PRDX1: variants seen among roughly 807,000 people sequenced by gnomAD.
The protein encoded by PRDX1 is peroxiredoxin 1, also known as peroxiredoxin-1.
PRDX1 carries 19 observed loss-of-function variants against 20.7 expected under a neutral mutation model. The ratio of observed to expected loss-of-function variants is 0.92; its 90% confidence interval spans 0.64 to 1.35. PRDX1 has a LOEUF of 1.35. Among genes scored for constraint, PRDX1 ranks in the 40% most tolerant of loss-of-function variants. The pLI is 0.00. For missense variants in PRDX1, 226 were observed against 240.0 expected, an observed-to-expected ratio of 0.94 and a Z score of 0.38; for synonymous variants, 89 against 83.9, an observed-to-expected ratio of 1.06 and a Z score of -0.33.
Position 45,515,699 on chromosome 1 carries a change from T to C in PRDX1, c.215A>G (p.Gln72Arg), listed in dbSNP as rs770050803. The change falls in exon 3 of 6, where the codon CAA (glutamine) becomes CGA (arginine). Residue 72 changes from glutamine to arginine, a missense_variant. Gln to Arg is a conservative substitution (Grantham distance 43). Coordinates refer to ENST00000319248, the MANE Select transcript of PRDX1 (RefSeq NM_181697.3). ...AGAATCCACAGAAGCACCAATCACT[T>C]GGCAGTTGAGTTTCTTAAATTCTTC... The part of the protein sequence containing the change: ...RAEEFKKLNC[Q>R]VIGASVDSHF... The C allele has an allele frequency of 6.2e-7, 1 of 1,607,450 alleles. No individual in the cohort carries two copies. Among genetic ancestry groups the C allele is most frequent in the Admixed American group, 1.7e-5 (1 of 58,606 alleles).
chr1:45,519,176 T>C (rs1049932893), intron 1 of PRDX1, 122 bp from the exon 2 acceptor site: 22 of 624,518 alleles, frequency 3.5e-5, no homozygotes, highest in Non-Finnish European at 5.3e-5. Context: ...CCTGAATACA[T>C]TAAATGTTGT....
In PRDX1 at chr1:45,514,967, G is replaced by T; in HGVS notation, c.289C>A (p.Leu97Met). 1 of 1,614,220 alleles carries T rather than the reference G, an allele frequency of 6.2e-7. No homozygotes were observed. Among genetic ancestry groups the T allele is most frequent in the Non-Finnish European group, 8.5e-7 (1 of 1,180,024 alleles). The change falls in exon 4 of 6, where the codon CTG becomes ATG. Residue 97 changes from leucine (L) to methionine (M), a missense_variant. By Grantham distance (15) the Leu-to-Met change is conservative. Transcript: ENST00000319248. ...WVNTPKKQGG[L>M]GPMNIPLVSD... ...ACCAAAGGAATGTTCATGGGTCCCA[G>T]TCCTCCTTGTTTCTTAGGTGTATTG...
In PRDX1 at chr1:45,519,612, T is replaced by G. The variant is rs937115939; in HGVS notation, c.-11-558A>C. Among the ~76,000 whole-genome samples, 11 of 152,324 alleles carry G rather than the reference T, an allele frequency of 7.2e-5. No homozygotes were observed. In the South Asian group the frequency reaches 8.3e-4, roughly 11 times the overall value. ...ATTTGTTTTTGTTTTGTTTTGTTTT[T>G]TTGACGGAGTTTCGCTCTTGGGGCC... On this transcript the variant is annotated intron_variant, in intron 1 of 5. Transcript: ENST00000319248.
chr1:45,519,947 C>T (rs111452416), intron 1 of PRDX1, among the ~76,000 whole-genome samples: 11 of 152,294 alleles, frequency 7.2e-5, no homozygotes, highest in African/African-American at 2.4e-4. Flanking sequence ...TGTCTCACAC[C>T]TGTAATCCCA....
At chr1:45,516,233 A>G (rs1192437401) in intron 2 of PRDX1, among the ~76,000 whole-genome samples, 1 of 152,254 alleles carries the variant, frequency 6.6e-6, no homozygotes, top group South Asian at 2.1e-4. Flanking sequence ...CACCAATAAG[A>G]AGTCACAGCC....
chr1:45,517,781 CAAAAA>C (rs59782906), intron 2 of PRDX1, among the ~76,000 whole-genome samples: 3 of 84,370 alleles, frequency 3.6e-5, no homozygotes, highest in Admixed American at 1.3e-4. Flanking sequence ...GACTCCGTCT[CAAAAA>C]AAAAAAAAAA....
chr1:45,511,665 A>G, intron 5 of PRDX1: 1 of 353,554 alleles, frequency 2.8e-6, no homozygotes, highest in Non-Finnish European at 5.1e-6. Flanking sequence ...TTCCACAAAA[A>G]AAGGCAAAGT....
rs1307701609 is a variant in PRDX1, at chr1:45,521,831, G to C, written c.-14C>G. 1 of 152,858 alleles carries C rather than the reference G, an allele frequency of 6.5e-6. No homozygotes were observed. Among genetic ancestry groups the C allele is most frequent in the Admixed American group, 6.5e-5 (1 of 15,296 alleles). The allele number at this position is 152,858 out of a possible 1,614,324, so 9.5% of individuals were successfully genotyped here. ...GGGGCCGCACTGCCCACACTCACCA[G>C]TCCCAACACAAGTCGCAGAAACTAA... On this transcript the variant is annotated splice_region_variant and 5_prime_UTR_variant, in exon 1 of 6. Coordinates refer to ENST00000319248, the MANE Select transcript of PRDX1 (RefSeq NM_181697.3).
intron 1 of PRDX1, among the ~76,000 whole-genome samples, chr1:45,519,860 A>T (rs6677135): frequency 0.065 from 9,834 of 152,208 alleles, 1,031 homozygotes; most frequent in African/African-American, 0.22. Context: ...GTCTCCCAAA[A>T]TGCTGGGATT....
intron 4 of PRDX1, 80 bp from the exon 5 acceptor site, chr1:45,514,717 G>C (rs2149327479): frequency 6.3e-7 from 1 of 1,588,534 alleles, no homozygotes; most frequent in Non-Finnish European, 8.6e-7. Flanking sequence ...AAGCCTGAAG[G>C]AAATGGACTG....
At chr1:45,513,863 G>T (rs1295247819) in intron 5 of PRDX1, among the ~76,000 whole-genome samples, 10 of 152,196 alleles carry the variant, frequency 6.6e-5, no homozygotes, top group African/African-American at 2.4e-4. Context: ...TTCTCCCCAT[G>T]TGATAGTCTG....
chr1:45,513,938 G>A (rs1056489325), intron 5 of PRDX1, among the ~76,000 whole-genome samples: 1 of 152,178 alleles, frequency 6.6e-6, no homozygotes, highest in African/African-American at 2.4e-5. Flanking sequence ...CCTGTGCTAA[G>A]GAGGATTAGT....
chr1:45,514,740 C>T, intron 4 of PRDX1, 103 bp from the exon 5 acceptor site: 1 of 1,572,196 alleles, frequency 6.4e-7, no homozygotes, highest in Admixed American at 1.7e-5. Context: ...CTCCACACTC[C>T]TACTGGCCTG....
At chr1:45,520,543 T>A (rs990906471) in intron 1 of PRDX1, among the ~76,000 whole-genome samples, 1 of 151,644 alleles carries the variant, frequency 6.6e-6, no homozygotes, top group Non-Finnish European at 1.5e-5. Context: ...GCCATCATAG[T>A]GAAACCCCGT....
intron 5 of PRDX1, among the ~76,000 whole-genome samples, chr1:45,513,788 G>A (rs1643802628): frequency 6.6e-6 from 1 of 152,138 alleles, no homozygotes; most frequent in South Asian, 2.1e-4. Flanking sequence ...CAAGTATCCG[G>A]GGACACAAAC....
Position 45,514,598 on chromosome 1 carries a change from C to G in PRDX1, c.423G>C (p.Gln141His). 3 of 1,613,700 alleles carry G rather than the reference C, an allele frequency of 1.9e-6. No homozygotes were observed. Among genetic ancestry groups the G allele is most frequent in the Non-Finnish European group, 2.5e-6 (3 of 1,179,630 alleles). ...FIIDDKGILRQITVNDLPVGR... is the reference protein window; with the variant it reads ...FIIDDKGILRHITVNDLPVGR... ...CAACAGGGAGGTCATTTACAGTGAT[C>G]TGCCGAAGAATACCCTTATCATCAA... The change falls in exon 5 of 6, where the codon CAG becomes CAC. Residue 141 changes from glutamine to histidine, a missense_variant. By Grantham distance (24) the Gln-to-His change is conservative (BLOSUM62 0). Coordinates refer to ENST00000319248, the MANE Select transcript of PRDX1 (RefSeq NM_181697.3).
intron 1 of PRDX1, among the ~76,000 whole-genome samples, chr1:45,519,576 C>T (rs1643889658): frequency 6.6e-6 from 1 of 152,122 alleles, no homozygotes; most frequent in Non-Finnish European, 1.5e-5. Context: ...ATAACTAATT[C>T]AACTTGTTTT....
chr1:45,521,614 G>A (rs898284122), intron 1 of PRDX1: 3 of 152,244 alleles, frequency 2.0e-5, no homozygotes. Flanking sequence ...CTTGCCTTGG[G>A]GTTCAACCAG....
chr1:45,521,286 CTG>C (rs1213772919), intron 1 of PRDX1, among the ~76,000 whole-genome samples: 1 of 152,214 alleles, frequency 6.6e-6, no homozygotes, highest in African/African-American at 2.4e-5. Flanking sequence ...CTCCCCAGCA[CTG>C]GAGAAAGCAC....
Sources: allele counts gnomAD v4.1 joint callset (sites outside exome capture counted in the v4.1 genomes callset), GRCh38; gene constraint gnomAD v4.1.1; transcripts MANE v1.5; gene names NCBI Gene and HGNC (gene_info 2026-07-23, HGNC 2026-07-21).